LRRC40: variants seen among roughly 807,000 people sequenced by gnomAD.
The protein encoded by LRRC40 is leucine-rich repeat-containing protein 40.
LRRC40 carries 76 observed loss-of-function variants against 72.8 expected under a neutral mutation model. That is an observed-to-expected ratio of 1.04 (90% CI 0.87 to 1.26). The LOEUF (loss-of-function observed/expected upper bound fraction) is 1.26. LRRC40 is among the 50% of genes most tolerant of loss of function. The pLI, the probability that LRRC40 is intolerant of heterozygous loss-of-function variation, is 0.00. For missense variants in LRRC40, 684 were observed against 698.9 expected (o/e 0.98, Z 0.24); for synonymous variants, 243 against 254.2 (o/e 0.96, Z 0.42).
Position 70,187,267 on chromosome 1 carries a change from G to T in LRRC40, c.405C>A (p.Val135=). The T allele has an allele frequency of 1.3e-6, 2 of 1,504,016 alleles. No homozygotes were observed. Among genetic ancestry groups the T allele is most frequent in the Non-Finnish European group, 1.8e-6 (2 of 1,082,976 alleles). The allele number at this position is 1,504,016 out of a possible 1,614,324, so 93.2% of individuals were successfully genotyped here. The change falls in exon 3 of 15, where the codon GTC becomes GTA. Residue 135 remains valine, a splice_region_variant and synonymous_variant. Transcript: ENST00000370952. The stretch of plus-strand genomic sequence containing the variant: ...AAGTAAATAAGCTTAATTTTTACCT[G>T]ACATTAAGTTTCTGAAGATTTTCTA... ...RELENLQKLN[V]SHNKLKILPE...
intron 1 of LRRC40, among the ~76,000 whole-genome samples, chr1:70,196,035 C>T (rs1321824184): frequency 6.6e-6 from 1 of 151,950 alleles, no homozygotes; most frequent in Non-Finnish European, 1.5e-5. Flanking sequence ...GCACAGAGAT[C>T]CATCATCTTA....
intron 11 of LRRC40, among the ~76,000 whole-genome samples, chr1:70,153,944 G>C (rs1185112155): frequency 7.3e-6 from 1 of 136,274 alleles, no homozygotes; most frequent in African/African-American, 2.7e-5. Context: ...GTGAACTCCA[G>C]TAGGGGCAAC....
intron 2 of LRRC40, 55 bp downstream of exon 2, chr1:70,189,037 T>C: frequency 6.7e-7 from 1 of 1,482,810 alleles, no homozygotes; most frequent in Middle Eastern, 1.9e-4. Context: ...AAAGCCTAAA[T>C]TTAGCTTTAG....
intron 9 of LRRC40, among the ~76,000 whole-genome samples, chr1:70,162,464 G>T (rs1025391043): frequency 6.6e-6 from 1 of 152,166 alleles, no homozygotes; most frequent in Non-Finnish European, 1.5e-5. Context: ...TATGAATCAT[G>T]AATTCTGAGA....
intron 1 of LRRC40, among the ~76,000 whole-genome samples, chr1:70,203,894 G>A (rs759828168): frequency 6.6e-6 from 1 of 152,166 alleles, no homozygotes; most frequent in Non-Finnish European, 1.5e-5. Flanking sequence ...CTATATTATA[G>A]TAACAGGGAT....
At chr1:70,159,188 C>T in intron 10 of LRRC40, 142 bp downstream of exon 10, 1 of 391,064 alleles carries the variant, frequency 2.6e-6, no homozygotes. Flanking sequence ...TTAGGCCAAG[C>T]ATGGTAGCTC....
chr1:70,186,861 A>G (rs1207034690), intron 3 of LRRC40, among the ~76,000 whole-genome samples: 1 of 152,136 alleles, frequency 6.6e-6, no homozygotes, highest in East Asian at 1.9e-4. Context: ...ACTAATAAAA[A>G]CTATGAAGTA....
At chr1:70,191,662 T>C (rs1391100633) in intron 1 of LRRC40, among the ~76,000 whole-genome samples, 1 of 152,150 alleles carries the variant, frequency 6.6e-6, no homozygotes, top group African/African-American at 2.4e-5. Flanking sequence ...TCAAGATTCA[T>C]GTCACTGTTG....
At chr1:70,195,970 T>C (rs558998441) in intron 1 of LRRC40, among the ~76,000 whole-genome samples, 1 of 152,222 alleles carries the variant, frequency 6.6e-6, no homozygotes, top group Admixed American at 6.5e-5. Context: ...GCAATTCCAT[T>C]GTCAGGTATG....
At chr1:70,199,419 A>G (rs938114234) in intron 1 of LRRC40, among the ~76,000 whole-genome samples, 11 of 152,160 alleles carry the variant, frequency 7.2e-5, no homozygotes, top group Non-Finnish European at 1.2e-4. Flanking sequence ...AGCCTACAAA[A>G]ACAAAGTACA....
chr1:70,186,960 AC>A lies in LRRC40; in HGVS notation c.407+304del, dbSNP rs544741251. On this transcript the variant is annotated intron_variant, in intron 3 of 14. Coordinates refer to ENST00000370952, the MANE Select transcript of LRRC40 (RefSeq NM_017768.5). ...AGGTAACTTAAAAGTTGAGACATCA[AC>A]AAAGAGGTTTACTACAATAACAAAC... 6.2e-3 allele frequency among the ~76,000 whole-genome samples: 946 copies of A among 152,242 alleles called. 13 individuals carry two copies. Among genetic ancestry groups the A allele is most frequent in the African/African-American group, 0.021 (868 of 41,570 alleles).
intron 10 of LRRC40, among the ~76,000 whole-genome samples, chr1:70,158,099 C>CAAAAAAAAAAAA (rs35925333): frequency 5.2e-5 from 1 of 19,198 alleles, no homozygotes; most frequent in African/African-American, 2.3e-4. Context: ...GACCCTGCCT[C>CAAAAAAAAAAAA]AAAAAAAAAA....
chr1:70,184,701 T>C, intron 4 of LRRC40, 84 bp downstream of exon 4: 1 of 1,291,134 alleles, frequency 7.7e-7, no homozygotes, highest in East Asian at 2.5e-5. Flanking sequence ...TTCCCACAGT[T>C]TCAATCATCT....
At chr1:70,155,134 C>G (rs1180306735) in intron 11 of LRRC40, among the ~76,000 whole-genome samples, 1 of 151,836 alleles carries the variant, frequency 6.6e-6, no homozygotes, top group Non-Finnish European at 1.5e-5. Context: ...CTGTAATTAA[C>G]AACAAAAAAT....
intron 11 of LRRC40, among the ~76,000 whole-genome samples, chr1:70,154,450 C>T (rs188900328): frequency 2.0e-5 from 3 of 152,234 alleles, no homozygotes; most frequent in African/African-American, 4.8e-5. Context: ...CAGGACCCCC[C>T]GCCCAAAGCA....
chr1:70,190,967 C>T (rs1668488010), intron 1 of LRRC40, among the ~76,000 whole-genome samples: 1 of 151,854 alleles, frequency 6.6e-6, no homozygotes, highest in African/African-American at 2.4e-5. Context: ...AATTTATCAT[C>T]ATCATTGTTA....
intron 5 of LRRC40, chr1:70,180,494 CTT>C (rs1305864692): frequency 6.6e-6 from 1 of 152,142 alleles, no homozygotes; most frequent in African/African-American, 2.4e-5. Flanking sequence ...ATTTTAGACT[CTT>C]AAGAATTTTA....
chr1:70,170,730 G>A (rs553924292), intron 9 of LRRC40, among the ~76,000 whole-genome samples: 37 of 152,162 alleles, frequency 2.4e-4, no homozygotes, highest in African/African-American at 7.7e-4. Flanking sequence ...GATCTAAAAT[G>A]GAAAAACATT....
At chr1:70,159,908 CTGAG>C (rs1266919136) in intron 9 of LRRC40, among the ~76,000 whole-genome samples, 6 of 152,140 alleles carry the variant, frequency 3.9e-5, no homozygotes, top group Non-Finnish European at 2.9e-5. Context: ...ATCTGCATAA[CTGAG>C]TAAGTCTCTG....
Sources: allele counts gnomAD v4.1 joint callset (sites outside exome capture counted in the v4.1 genomes callset), GRCh38; gene constraint gnomAD v4.1.1; transcripts MANE v1.5; gene names NCBI Gene and HGNC (gene_info 2026-07-23, HGNC 2026-07-21).